CGNL1: variants seen among roughly 807,000 people sequenced by gnomAD.
The protein encoded by CGNL1 is cingulin-like protein 1.
A neutral mutation model predicts 141.2 loss-of-function variants in CGNL1; 132 were observed. The observed-to-expected ratio is 0.93, with a 90% CI of 0.81 to 1.08. The LOEUF (loss-of-function observed/expected upper bound fraction) is 1.08, where lower values mean the gene tolerates loss of function less well. Ranked by LOEUF, CGNL1 falls within the 50% of genes least tolerant of loss-of-function variation. The pLI is 0.00. For missense variants in CGNL1, 1,870 were observed against 1,588.6 expected, an observed-to-expected ratio of 1.18 and a Z score of -3.01; for synonymous variants, 690 against 622.1, an observed-to-expected ratio of 1.11 and a Z score of -1.63.
At chr15:57,384,403 C>T (rs1410739861) in intron 1 of CGNL1, among the ~76,000 whole-genome samples, 4 of 152,110 alleles carry the variant, frequency 2.6e-5, no homozygotes, top group Admixed American at 1.3e-4. Context: ...ATTTTACAGG[C>T]GATAGAAACA....
chr15:57,442,078 A>G (rs1176934017), intron 3 of CGNL1, among the ~76,000 whole-genome samples: 3 of 150,228 alleles, frequency 2.0e-5, no homozygotes, highest in Non-Finnish European at 4.4e-5. Flanking sequence ...CTAAATGTTC[A>G]CTGGGTGTCT....
intron 4 of CGNL1, among the ~76,000 whole-genome samples, chr15:57,446,332 C>G (rs1381238805): frequency 6.6e-6 from 1 of 152,174 alleles, no homozygotes; most frequent in Admixed American, 6.5e-5. Flanking sequence ...ACTCCCATCA[C>G]CCAGGTTTCC....
At chr15:57,526,285 A>G (rs1333749883) in intron 12 of CGNL1, among the ~76,000 whole-genome samples, 1 of 152,172 alleles carries the variant, frequency 6.6e-6, no homozygotes, top group African/African-American at 2.4e-5. Flanking sequence ...AGCAACAGAC[A>G]TGGACACCTC....
intron 8 of CGNL1, among the ~76,000 whole-genome samples, chr15:57,490,761 G>T (rs1189952430): frequency 3.3e-5 from 5 of 152,110 alleles, no homozygotes; most frequent in Non-Finnish European, 5.9e-5. Flanking sequence ...CACTTTTTCT[G>T]GTGGACTGGG....
intron 4 of CGNL1, among the ~76,000 whole-genome samples, chr15:57,443,690 A>C (rs537694537): frequency 6.6e-6 from 1 of 152,190 alleles, no homozygotes; most frequent in Non-Finnish European, 1.5e-5. Context: ...GTATTACACC[A>C]TAGTCCTTGC....
In CGNL1 at chr15:57,404,087, T is replaced by C. The variant is rs193189542; in HGVS notation, c.-16+27520T>C. Among the ~76,000 whole-genome samples, 363 of 152,344 alleles carry C rather than the reference T, an allele frequency of 2.4e-3. 2 individuals are homozygous for C. The highest frequency in any genetic ancestry group is 4.4e-3 in the Non-Finnish European group (297 of 68,026). ...GTGTTGATTTTGACTGCTGGAACTGTCTCTTCCTTCTCAGCCCTTTCTCAA... is the reference window on the plus strand; with the variant it reads ...GTGTTGATTTTGACTGCTGGAACTGCCTCTTCCTTCTCAGCCCTTTCTCAA... On this transcript the variant is annotated intron_variant, in intron 1 of 18. Transcript: ENST00000281282.
At chr15:57,494,514 C>T (rs1226158279) in intron 8 of CGNL1, among the ~76,000 whole-genome samples, 1 of 152,114 alleles carries the variant, frequency 6.6e-6, no homozygotes, top group African/African-American at 2.4e-5. Context: ...ATAAACTACT[C>T]ATATGTGATT....
At chr15:57,415,429 C>T (rs1378505847) in intron 1 of CGNL1, among the ~76,000 whole-genome samples, 2 of 152,122 alleles carry the variant, frequency 1.3e-5, no homozygotes, top group South Asian at 2.1e-4. Context: ...ACGCTGCTGG[C>T]GTTGAAGATG....
chr15:57,386,596 G>T (rs1374269137), intron 1 of CGNL1, among the ~76,000 whole-genome samples: 2 of 152,154 alleles, frequency 1.3e-5, no homozygotes, highest in African/African-American at 4.8e-5. Context: ...AGGCTGCTCT[G>T]TGTACAACCT....
At chr15:57,425,479 C>T (rs374174154) in intron 1 of CGNL1, among the ~76,000 whole-genome samples, 3 of 152,192 alleles carry the variant, frequency 2.0e-5, no homozygotes, top group Non-Finnish European at 2.9e-5. Flanking sequence ...CACTGGCTCA[C>T]GCCTTGTAAT....
rs1439876455 is a variant in CGNL1 at position 57,453,740 on chromosome 15, G to A, written c.2112G>A (p.Gln704=). The part of the protein sequence containing the change: ...EQHQTEIRDL[Q]DQLSEMHDEL... ...ATCAGACTGAGATCAGGGATCTCCA[G>A]GACCAGCTCTCAGAAATGCACGATG... is the stretch of plus-strand genomic sequence containing the variant. The change falls in exon 7 of 19, where the codon CAG becomes CAA. Residue 704 remains glutamine (Q), a synonymous_variant. Coordinates refer to ENST00000281282, the MANE Select transcript of CGNL1 (RefSeq NM_032866.5). 31 of 1,613,858 alleles carry A rather than the reference G, an allele frequency of 1.9e-5. No homozygotes were observed. Among genetic ancestry groups the A allele is most frequent in the Non-Finnish European group, 2.6e-5 (31 of 1,179,942 alleles).
At position 57,512,321 on chromosome 15, in the gene CGNL1, G is replaced by A. The variant is rs115218838; in HGVS notation, c.2404-4459G>A. On this transcript the variant is annotated intron_variant, in intron 8 of 18. Coordinates refer to ENST00000281282, the MANE Select transcript of CGNL1 (RefSeq NM_032866.5). The stretch of plus-strand genomic sequence containing the variant: ...TTCCATTACTACTGCAAGTGAATTA[G>A]GTATGGTTTCAGGAAAGGAAAGTTT... Among the ~76,000 whole-genome samples the A allele has an allele frequency of 6.4e-3, 980 of 152,234 alleles. 11 individuals are homozygous for A. The highest frequency in any genetic ancestry group is 0.022 in the African/African-American group (921 of 41,542).
rs2063389015 is a variant in CGNL1 at position 57,457,084 on chromosome 15, A to AATTCTTTGTC, written c.2190+3268_2190+3277dup. On this transcript the variant is annotated intron_variant, in intron 7 of 18. Transcript: ENST00000281282. ...CCATCCTGGAACAAAAAAATGACAGAATTCTTTGTCAGCTACCGTTGCTAT... is the reference window on the plus strand; with the variant it reads ...CCATCCTGGAACAAAAAAATGACAGAATTCTTTGTCATTCTTTGTCAGCTACCGTTGCTAT... 9.9e-5 allele frequency among the ~76,000 whole-genome samples: 15 copies of AATTCTTTGTC among 152,280 alleles called. 1 individual carries two copies. The South Asian group carries it at 3.1e-3, about 32-fold the overall frequency.
intron 7 of CGNL1, among the ~76,000 whole-genome samples, chr15:57,460,952 C>T (rs28655522): frequency 0.17 from 26,455 of 151,850 alleles, 2,434 homozygotes; most frequent in Non-Finnish European, 0.19. Flanking sequence ...CCAAGATGCC[C>T]ACATCTCTCT....
intron 1 of CGNL1, among the ~76,000 whole-genome samples, chr15:57,403,165 C>CT: frequency 6.6e-6 from 1 of 152,178 alleles, no homozygotes. Context: ...ACGAAGGGGT[C>CT]TGTCTGCTCA....
At chr15:57,479,809 AG>A in intron 8 of CGNL1, among the ~76,000 whole-genome samples, 1 of 152,282 alleles carries the variant, frequency 6.6e-6, no homozygotes, top group Middle Eastern at 3.4e-3. Context: ...AAAAGTGCAA[AG>A]GGATAGTGAG....
At chr15:57,518,867 A>G (rs2031042088) in intron 10 of CGNL1, among the ~76,000 whole-genome samples, 1 of 152,382 alleles carries the variant, frequency 6.6e-6, no homozygotes, top group South Asian at 2.1e-4. Flanking sequence ...TAGACGTTAA[A>G]GAGCTTGACA....
At chr15:57,518,137 C>T (rs1429914235) in intron 9 of CGNL1, among the ~76,000 whole-genome samples, 1 of 147,788 alleles carries the variant, frequency 6.8e-6, no homozygotes, top group East Asian at 2.5e-4. Context: ...GAGACCCTGT[C>T]TCTAAAAAAA....
At chr15:57,487,173 A>C (rs1481338624) in intron 8 of CGNL1, among the ~76,000 whole-genome samples, 1 of 152,202 alleles carries the variant, frequency 6.6e-6, no homozygotes, top group Non-Finnish European at 1.5e-5. Context: ...ATTTTGATGG[A>C]GGGAAGAGAT....
Sources: allele counts gnomAD v4.1 joint callset (sites outside exome capture counted in the v4.1 genomes callset), GRCh38; gene constraint gnomAD v4.1.1; transcripts MANE v1.5; gene names NCBI Gene and HGNC (gene_info 2026-07-23, HGNC 2026-07-21).